Variants in SYN3 observed in about 807,000 individuals in gnomAD.
SYN3 encodes synapsin III.
A neutral mutation model predicts 65.8 loss-of-function variants in SYN3; 35 were observed. That is an observed-to-expected ratio of 0.53 (90% CI 0.41 to 0.70). SYN3 has a LOEUF of 0.70. Ranked by LOEUF, SYN3 falls within the 30% of genes least tolerant of loss-of-function variation. The pLI, the probability that SYN3 is intolerant of heterozygous loss-of-function variation, is 0.00. For synonymous variants in SYN3, 270 were observed against 292.9 expected (o/e 0.92, Z 0.80); for missense variants, 680 against 749.0 (o/e 0.91, Z 1.08).
At chr22:32,835,400 G>A (rs8142143) in intron 6 of SYN3, among the ~76,000 whole-genome samples, 14,585 of 152,114 alleles carry the variant, frequency 0.096, 766 homozygotes, top group African/African-American at 0.15. Flanking sequence ...ATGAATCTAC[G>A]AACATATAGT....
At chr22:32,913,764 G>C (rs1225776152) in intron 4 of SYN3, among the ~76,000 whole-genome samples, 1 of 152,216 alleles carries the variant, frequency 6.6e-6, no homozygotes, top group South Asian at 2.1e-4. Context: ...GCCGCAAAAG[G>C]TGTCAGGACA....
intron 3 of SYN3, among the ~76,000 whole-genome samples, chr22:32,944,729 A>G (rs1281264003): frequency 6.6e-6 from 1 of 152,332 alleles, no homozygotes; most frequent in Non-Finnish European, 1.5e-5. Context: ...AAGGGCATTC[A>G]ATTAGGAAAA....
intron 6 of SYN3, among the ~76,000 whole-genome samples, chr22:32,852,756 A>C (rs2048257045): frequency 6.6e-6 from 1 of 152,092 alleles, no homozygotes; most frequent in East Asian, 1.9e-4. Flanking sequence ...TGTGTGAGGG[A>C]GCAGGGTGTT....
chr22:32,858,302 C>T lies in SYN3; in HGVS notation c.711+6613G>A, dbSNP rs2048434677. Among the ~76,000 whole-genome samples, 6 of 152,164 alleles carry T rather than the reference C, an allele frequency of 3.9e-5. No individual in the cohort carries two copies. The South Asian group carries it at 1.2e-3, about 32-fold the overall frequency. On this transcript the variant is annotated intron_variant, in intron 6 of 13. Transcript: ENST00000358763. Reference sequence around the variant, plus strand: ...TGAGCAGATATAGTAAGGATTGTTGCCCCAGGTGGGGCAGTGAGGAAGGCA... The same window carrying T: ...TGAGCAGATATAGTAAGGATTGTTGTCCCAGGTGGGGCAGTGAGGAAGGCA...
intron 1 of SYN3, among the ~76,000 whole-genome samples, chr22:33,054,263 C>T (rs1307043204): frequency 6.6e-6 from 1 of 152,164 alleles, no homozygotes; most frequent in African/African-American, 2.4e-5. Flanking sequence ...CAGCCAATTC[C>T]TGTCTCTATG....
At chr22:32,753,822 C>A (rs938771544) in intron 6 of SYN3, among the ~76,000 whole-genome samples, 1 of 152,144 alleles carries the variant, frequency 6.6e-6, no homozygotes, top group Non-Finnish European at 1.5e-5. Context: ...CACCCCAGGC[C>A]AGGCCCTCCA....
chr22:32,961,449 G>C (rs937222384), intron 3 of SYN3, among the ~76,000 whole-genome samples: 5 of 152,198 alleles, frequency 3.3e-5, no homozygotes, highest in Admixed American at 1.3e-4. Flanking sequence ...TGTTTCAGTA[G>C]ACACTCTAGG....
At chr22:32,783,434 A>T (rs1247673680) in intron 6 of SYN3, among the ~76,000 whole-genome samples, 1 of 152,200 alleles carries the variant, frequency 6.6e-6, no homozygotes, top group Non-Finnish European at 1.5e-5. Flanking sequence ...ATTACTGAAA[A>T]TCTGAATTTT....
At chr22:32,540,895 G>A (rs546238571) in intron 8 of SYN3, among the ~76,000 whole-genome samples, 4 of 152,204 alleles carry the variant, frequency 2.6e-5, no homozygotes, top group Non-Finnish European at 5.9e-5. Context: ...TTTACCAGTA[G>A]GGATGCCATG....
intron 6 of SYN3, among the ~76,000 whole-genome samples, chr22:32,829,484 C>T (rs2047512444): frequency 6.6e-6 from 1 of 152,214 alleles, no homozygotes; most frequent in Non-Finnish European, 1.5e-5. Flanking sequence ...ACTTCTTGGC[C>T]TGGGAATTGA....
intron 6 of SYN3, among the ~76,000 whole-genome samples, chr22:32,696,154 T>G (rs994098232): frequency 3.0e-4 from 45 of 152,216 alleles, no homozygotes; most frequent in African/African-American, 1.0e-3. Context: ...ACTGGGCTCC[T>G]TCTCTTTTGA....
At chr22:32,751,284 G>A (rs959675582) in intron 6 of SYN3, among the ~76,000 whole-genome samples, 6 of 152,294 alleles carry the variant, frequency 3.9e-5, no homozygotes, top group East Asian at 1.9e-4. Flanking sequence ...CTTAGCAGGC[G>A]CAATTGCAGT....
chr22:32,904,448 A>G (rs1334479179), intron 4 of SYN3, among the ~76,000 whole-genome samples: 2 of 152,094 alleles, frequency 1.3e-5, no homozygotes, highest in South Asian at 4.1e-4. Context: ...ACTCTGAAGA[A>G]GGTCGTCTGC....
At chr22:32,531,663 T>C (rs1390516981) in intron 10 of SYN3, among the ~76,000 whole-genome samples, 1 of 145,634 alleles carries the variant, frequency 6.9e-6, no homozygotes, top group African/African-American at 2.5e-5. Flanking sequence ...AAGAAACCAG[T>C]GTTTTGGGAT....
At chr22:32,691,132 C>G (rs1490250725) in intron 6 of SYN3, among the ~76,000 whole-genome samples, 6 of 152,204 alleles carry the variant, frequency 3.9e-5, no homozygotes, top group Non-Finnish European at 5.9e-5. Context: ...CTTCATTCCC[C>G]TCCCACTCCT....
intron 2 of SYN3, among the ~76,000 whole-genome samples, chr22:32,993,407 T>C (rs940027304): frequency 6.6e-6 from 1 of 152,142 alleles, no homozygotes; most frequent in South Asian, 2.1e-4. Context: ...CCAGGCTGGA[T>C]TGCAGTGGCG....
At chr22:33,020,422 T>C (rs867408805) in intron 1 of SYN3, among the ~76,000 whole-genome samples, 6 of 152,218 alleles carry the variant, frequency 3.9e-5, no homozygotes, top group Middle Eastern at 3.4e-3. Flanking sequence ...TATTTAAGAA[T>C]AAGAGAGGGT....
intron 6 of SYN3, among the ~76,000 whole-genome samples, chr22:32,835,783 G>A (rs568796446): frequency 1.3e-5 from 2 of 152,332 alleles, no homozygotes; most frequent in African/African-American, 4.8e-5. Context: ...TGCAAGCCAA[G>A]GTACCCTCAA....
At chr22:32,771,036 T>G (rs1264763221) in intron 6 of SYN3, among the ~76,000 whole-genome samples, 1 of 152,060 alleles carries the variant, frequency 6.6e-6, no homozygotes. Flanking sequence ...TTAGGTGTTT[T>G]TCCTAATGCT....
Sources: allele counts gnomAD v4.1 joint callset (sites outside exome capture counted in the v4.1 genomes callset), GRCh38; gene constraint gnomAD v4.1.1; transcripts MANE v1.5; gene names NCBI Gene and HGNC (gene_info 2026-07-23, HGNC 2026-07-21).